Variants in GABRB3 observed in about 807,000 individuals in gnomAD.
GABRB3 encodes the protein gamma-aminobutyric acid type A receptor subunit beta3.
GABRB3 carries 14 observed loss-of-function variants against 52.1 expected under a neutral mutation model. The ratio of observed to expected loss-of-function variants is 0.27; its 90% CI spans 0.18 to 0.42. The LOEUF is 0.42. Ranked by LOEUF, GABRB3 falls within the 10% of genes least tolerant of loss-of-function variation. The pLI, the probability that GABRB3 is intolerant of heterozygous loss-of-function variation, is 1.00. For synonymous variants in GABRB3, 260 were observed against 232.3 expected, an observed-to-expected ratio of 1.12 and a Z score of -1.08; for missense variants, 307 against 609.1, an observed-to-expected ratio of 0.50 and a Z score of 5.22.
At chr15:26,600,366 T>C (rs185904326) in intron 4 of GABRB3, among the ~76,000 whole-genome samples, 2 of 151,924 alleles carry the variant, frequency 1.3e-5, no homozygotes, top group East Asian at 4.0e-4. Flanking sequence ...TAGTAATAGA[T>C]ACAGAAGGAA....
intron 3 of GABRB3, chr15:26,624,875 G>T: frequency 1.0e-6 from 1 of 985,466 alleles, no homozygotes; most frequent in Non-Finnish European, 1.2e-6. Context: ...CCATGGTGCC[G>T]CTCCTTGTGA....
chr15:26,717,676 C>T (rs577289500), intron 3 of GABRB3, among the ~76,000 whole-genome samples: 21 of 152,288 alleles, frequency 1.4e-4, no homozygotes, highest in Admixed American at 1.1e-3. Context: ...ACCCATCACA[C>T]GTAATGCGTC....
chr15:26,762,860 G>A (rs1890857509), intron 3 of GABRB3, among the ~76,000 whole-genome samples: 1 of 152,130 alleles, frequency 6.6e-6, no homozygotes, highest in Non-Finnish European at 1.5e-5. Flanking sequence ...CATGCCACAA[G>A]GAATGACACC....
chr15:26,574,660 A>T (rs1372868342), intron 6 of GABRB3, among the ~76,000 whole-genome samples: 4 of 152,218 alleles, frequency 2.6e-5, no homozygotes, highest in Non-Finnish European at 5.9e-5. Flanking sequence ...CACACAAATG[A>T]TTCCACTGAT....
intron 3 of GABRB3, among the ~76,000 whole-genome samples, chr15:26,733,833 T>C (rs1165606970): frequency 1.3e-5 from 2 of 152,120 alleles, no homozygotes; most frequent in African/African-American, 2.4e-5. Flanking sequence ...CTGGAATATA[T>C]GAACAAATGA....
chr15:26,713,978 C>A (rs763205304), intron 3 of GABRB3, among the ~76,000 whole-genome samples: 1 of 152,140 alleles, frequency 6.6e-6, no homozygotes, highest in Non-Finnish European at 1.5e-5. Flanking sequence ...CTTGCCATGG[C>A]GGGGCTGAGG....
chr15:26,698,275 A>ACTC (rs1314913115), intron 3 of GABRB3, among the ~76,000 whole-genome samples: 1 of 152,200 alleles, frequency 6.6e-6, no homozygotes, highest in African/African-American at 2.4e-5. Flanking sequence ...TTACCCATAG[A>ACTC]CTCCACAACG....
chr15:26,567,433 T>C, intron 7 of GABRB3, 148 bp downstream of exon 7: 1 of 732,890 alleles, frequency 1.4e-6, no homozygotes. Flanking sequence ...TGCGTGAAAT[T>C]AGTGTTTCAA....
intron 3 of GABRB3, among the ~76,000 whole-genome samples, chr15:26,767,561 G>C (rs1891032738): frequency 6.6e-6 from 1 of 152,154 alleles, no homozygotes. Flanking sequence ...CCTGAGGCTA[G>C]ACGTTCCCAG....
At chr15:26,771,634 G>A (rs529346023) in intron 3 of GABRB3, among the ~76,000 whole-genome samples, 33 of 152,312 alleles carry the variant, frequency 2.2e-4, no homozygotes, top group African/African-American at 7.7e-4. Flanking sequence ...AAGCACTCCT[G>A]GCAAAAGCCC....
chr15:26,565,168 T>TTGATGA (rs75317901), intron 7 of GABRB3, among the ~76,000 whole-genome samples: 5,749 of 151,050 alleles, frequency 0.038, 344 homozygotes, highest in African/African-American at 0.12. Context: ...GTCTGTTGTA[T>TTGATGA]TGATGATGAT....
chr15:26,759,665 C>T (rs542799635), intron 3 of GABRB3, among the ~76,000 whole-genome samples: 8 of 152,316 alleles, frequency 5.3e-5, no homozygotes, highest in South Asian at 2.1e-4. Context: ...GCACTGCAGA[C>T]GATACTGACC....
At chr15:26,628,923 C>T in intron 3 of GABRB3, 4 of 1,503,972 alleles carry the variant, frequency 2.7e-6, no homozygotes, top group African/African-American at 1.4e-5. Context: ...GAGTCAGGTG[C>T]AAGAGCGCCT....
intron 4 of GABRB3, among the ~76,000 whole-genome samples, chr15:26,600,266 AC>A (rs1341561469): frequency 1.3e-5 from 2 of 152,100 alleles, no homozygotes; most frequent in Non-Finnish European, 2.9e-5. Context: ...AAGAGACTAA[AC>A]AGTCACATAA....
intron 3 of GABRB3, among the ~76,000 whole-genome samples, chr15:26,770,731 A>C (rs1001853937): frequency 6.6e-6 from 1 of 152,248 alleles, no homozygotes; most frequent in Non-Finnish European, 1.5e-5. Context: ...ATAATCAATT[A>C]ACTTCTGTAC....
At chr15:26,578,752 T>C (rs372100894) in intron 6 of GABRB3, among the ~76,000 whole-genome samples, 2 of 152,250 alleles carry the variant, frequency 1.3e-5, no homozygotes, top group Admixed American at 6.5e-5. Context: ...GTGAGTGTGC[T>C]AGCCTCTGTT....
At chr15:26,730,417 CAAAAAAAAAAAA>C (rs66961147) in intron 3 of GABRB3, among the ~76,000 whole-genome samples, 5 of 67,960 alleles carry the variant, frequency 7.4e-5, no homozygotes, top group African/African-American at 2.5e-4. Context: ...GACTCCGTCT[CAAAAAAAAAAAA>C]AAAAAAAAAA....
chr15:26,612,401 A>T (rs1426522137), intron 4 of GABRB3: 2 of 152,232 alleles, frequency 1.3e-5, no homozygotes, highest in African/African-American at 4.8e-5. Flanking sequence ...TTTTTGATAG[A>T]TGCATACTTA....
At chr15:26,651,255 A>G (rs1595509066) in intron 3 of GABRB3, among the ~76,000 whole-genome samples, 1 of 152,308 alleles carries the variant, frequency 6.6e-6, no homozygotes, top group East Asian at 1.9e-4. Context: ...AGAGGAGCTG[A>G]CTGGATCCCT....
Sources: gnomAD v4.1 joint callset for allele counts (sites outside exome capture counted in the v4.1 genomes callset) on GRCh38, gnomAD v4.1.1 for gene constraint, MANE v1.5 for transcripts, NCBI Gene and HGNC (gene_info 2026-07-23, HGNC 2026-07-21) for gene names.